Variants in GUCY1A2 observed in about 807,000 individuals in gnomAD.
The protein encoded by GUCY1A2 is guanylate cyclase soluble subunit alpha-2.
A neutral mutation model predicts 63.5 loss-of-function variants in GUCY1A2; 27 were observed. The ratio of observed to expected loss-of-function variants is 0.43; its 90% confidence interval spans 0.31 to 0.59. The LOEUF is 0.59. Among genes scored for constraint, GUCY1A2 ranks in the 20% least tolerant of loss-of-function variants. GUCY1A2 has a pLI of 0.11. For synonymous variants in GUCY1A2, 364 were observed against 343.5 expected (o/e 1.06, Z -0.66); for missense variants, 768 against 913.3 (o/e 0.84, Z 2.05).
chr11:106,958,759 T>C (rs746363969), intron 3 of GUCY1A2, among the ~76,000 whole-genome samples: 1 of 152,222 alleles, frequency 6.6e-6, no homozygotes, highest in South Asian at 2.1e-4. Flanking sequence ...GAGAAACTTT[T>C]ATGCCAGGAT....
chr11:106,862,149 C>T (rs1212194813), intron 4 of GUCY1A2, among the ~76,000 whole-genome samples: 1 of 152,012 alleles, frequency 6.6e-6, no homozygotes, highest in African/African-American at 2.4e-5. Context: ...ACACTGTTTT[C>T]TTCACCAGAG....
At chr11:106,946,004 C>T (rs551820504) in intron 3 of GUCY1A2, among the ~76,000 whole-genome samples, 1 of 152,158 alleles carries the variant, frequency 6.6e-6, no homozygotes, top group East Asian at 1.9e-4. Context: ...GCTACTGATA[C>T]ATAGAAAAAC....
Position 106,676,417 on chromosome 11 carries a change from T to G in GUCY1A2, c.*11132A>C. On this transcript the variant is annotated 3_prime_UTR_variant, in exon 8 of 8. Coordinates refer to ENST00000526355, the MANE Select transcript of GUCY1A2 (RefSeq NM_000855.3). ...TTGTATTTAATAAAATGGCAATTTG[T>G]AAATTCTGGTGAATACTCAAAATTG... 5.3e-6 allele frequency: 1 copy of G among 187,312 alleles called. No individual in the cohort carries two copies. Among genetic ancestry groups the G allele is most frequent in the Non-Finnish European group, 1.1e-5 (1 of 88,804 alleles). 11.6% of individuals were successfully genotyped at this position (187,312 alleles called of 1,614,324 possible). A position where few individuals can be genotyped will look rare whatever the true frequency, so the allele number is the denominator to read the frequency against.
At chr11:106,708,939 C>G (rs1422547925) in intron 6 of GUCY1A2, among the ~76,000 whole-genome samples, 1 of 150,886 alleles carries the variant, frequency 6.6e-6, no homozygotes, top group African/African-American at 2.4e-5. Context: ...GGTTATGTTA[C>G]AGGTTAAATC....
intron 5 of GUCY1A2, among the ~76,000 whole-genome samples, chr11:106,790,074 G>A (rs931372761): frequency 2.4e-4 from 37 of 152,302 alleles, no homozygotes; most frequent in Admixed American, 2.0e-4. Flanking sequence ...AGCCAGGCTT[G>A]TATCCTTTGC....
intron 6 of GUCY1A2, among the ~76,000 whole-genome samples, chr11:106,761,950 C>T (rs141807195): frequency 7.9e-5 from 12 of 152,180 alleles, no homozygotes; most frequent in South Asian, 4.1e-4. Context: ...CAGGATGCTG[C>T]GCTGCATAGA....
intron 5 of GUCY1A2, among the ~76,000 whole-genome samples, chr11:106,782,886 A>G (rs73551807): frequency 0.014 from 2,183 of 152,320 alleles, 42 homozygotes; most frequent in African/African-American, 0.049. Flanking sequence ...CACTTCAGAC[A>G]TACACAGCAA....
chr11:107,011,847 C>T (rs1342953208), intron 1 of GUCY1A2, among the ~76,000 whole-genome samples: 3 of 151,488 alleles, frequency 2.0e-5, no homozygotes, highest in African/African-American at 7.3e-5. Context: ...AAGAAGGCAG[C>T]ACCATAAAAT....
At chr11:106,996,694 G>A (rs1861544128) in intron 1 of GUCY1A2, among the ~76,000 whole-genome samples, 1 of 152,190 alleles carries the variant, frequency 6.6e-6, no homozygotes, top group Non-Finnish European at 1.5e-5. Context: ...CTAAGAGACT[G>A]ATTATTTCAG....
At chr11:106,982,473 G>C (rs1199281091) in intron 2 of GUCY1A2, among the ~76,000 whole-genome samples, 1 of 152,112 alleles carries the variant, frequency 6.6e-6, no homozygotes, top group East Asian at 1.9e-4. Flanking sequence ...CTAGGTGGAG[G>C]AAAGACAGTG....
chr11:106,734,980 A>G (rs944569403), intron 6 of GUCY1A2, among the ~76,000 whole-genome samples: 1 of 152,000 alleles, frequency 6.6e-6, no homozygotes, highest in African/African-American at 2.4e-5. Flanking sequence ...TTTTCTTTTA[A>G]TTTTTATTTT....
chr11:106,964,595 G>A (rs1313515760), intron 3 of GUCY1A2, among the ~76,000 whole-genome samples: 1 of 152,158 alleles, frequency 6.6e-6, no homozygotes, highest in East Asian at 1.9e-4. Context: ...CTCATTTGGA[G>A]TCAGAAAAAT....
chr11:106,762,443 T>C (rs1864082253), intron 6 of GUCY1A2, among the ~76,000 whole-genome samples: 1 of 152,104 alleles, frequency 6.6e-6, no homozygotes, highest in African/African-American at 2.4e-5. Flanking sequence ...AGAACCATGA[T>C]ACAGCTTCTG....
chr11:107,017,825 C>T lies in GUCY1A2; in HGVS notation c.231G>A (p.Arg77=), dbSNP rs772586787. Residue 77 remains arginine (R), a synonymous_variant, in exon 1 of 8, where the codon AGG becomes AGA. Coordinates refer to ENST00000526355, the MANE Select transcript of GUCY1A2 (RefSeq NM_000855.3). ...AAAAAATAGA[R]RVQRRRRVNL... ...TGACCCGCCTCCGGCGCTGCACCCT[C>T]CTGGCCCCGGCAGTGGCAGCGGCGG... 5.3e-6 allele frequency: 7 copies of T among 1,315,150 alleles called. No individual in the cohort carries two copies. The highest frequency in any genetic ancestry group is 6.8e-6 in the Non-Finnish European group (7 of 1,034,310). 81.5% of individuals were successfully genotyped at this position (1,315,150 alleles called of 1,614,324 possible). A position where few individuals can be genotyped will look rare whatever the true frequency, so the allele number is the denominator to read the frequency against.
intron 5 of GUCY1A2, among the ~76,000 whole-genome samples, chr11:106,786,313 T>C (rs1446947426): frequency 6.6e-6 from 1 of 152,202 alleles, no homozygotes; most frequent in Non-Finnish European, 1.5e-5. Flanking sequence ...TGGTTGACAT[T>C]TTTGACCCAA....
chr11:106,832,748 A>G (rs565683501), intron 4 of GUCY1A2, among the ~76,000 whole-genome samples: 1 of 152,254 alleles, frequency 6.6e-6, no homozygotes, highest in African/African-American at 2.4e-5. Context: ...ATATAACACA[A>G]TTGTTATTTG....
chr11:106,991,238 T>C (rs1861466990), intron 1 of GUCY1A2, among the ~76,000 whole-genome samples: 1 of 152,056 alleles, frequency 6.6e-6, no homozygotes, highest in African/African-American at 2.4e-5. Context: ...CCTTAAGTGA[T>C]CCACCCACCT....
intron 3 of GUCY1A2, among the ~76,000 whole-genome samples, 165 bp downstream of exon 3, chr11:106,978,454 A>T (rs927738747): frequency 6.6e-6 from 1 of 152,136 alleles, no homozygotes; most frequent in African/African-American, 2.4e-5. Flanking sequence ...AGCAATTTCC[A>T]CTCAAACATC....
intron 4 of GUCY1A2, among the ~76,000 whole-genome samples, chr11:106,875,349 C>T (rs1024743825): frequency 7.9e-5 from 12 of 152,142 alleles, no homozygotes; most frequent in African/African-American, 2.9e-4. Context: ...TGTATGTGTA[C>T]TGTGCAAGAG....
Sources: gnomAD v4.1 joint callset for allele counts (sites outside exome capture counted in the v4.1 genomes callset) on GRCh38, gnomAD v4.1.1 for gene constraint, MANE v1.5 for transcripts, NCBI Gene and HGNC (gene_info 2026-07-23, HGNC 2026-07-21) for gene names.